The following DCLK1 variants were observed in gnomAD, a reference collection of about 807,000 sequenced individuals.
The protein encoded by DCLK1 is doublecortin like kinase 1, also known as serine/threonine-protein kinase DCLK1.
A neutral mutation model predicts 86.2 loss-of-function variants in DCLK1; 16 were observed. The observed-to-expected ratio is 0.19, with a 90% CI of 0.13 to 0.28. DCLK1 has a LOEUF of 0.28. Ranked by LOEUF, DCLK1 falls within the 10% of genes least tolerant of loss-of-function variation. DCLK1 has a pLI of 1.00. For missense variants in DCLK1, 590 were observed against 940.2 expected (o/e 0.63, Z 4.87); for synonymous variants, 369 against 370.5 (o/e 1.00, Z 0.05).
chr13:36,046,047 A>C (rs1306740752), intron 3 of DCLK1, among the ~76,000 whole-genome samples: 1 of 152,072 alleles, frequency 6.6e-6, no homozygotes, highest in Non-Finnish European at 1.5e-5. Context: ...TTTACAATTA[A>C]ATGATAAGAT....
intron 16 of DCLK1, among the ~76,000 whole-genome samples, chr13:35,779,714 T>C (rs1420232379): frequency 1.3e-5 from 2 of 152,236 alleles, no homozygotes; most frequent in East Asian, 1.9e-4. Context: ...AATTCTCTTA[T>C]GAATTCACTC....
At position 35,811,759 on chromosome 13, in the gene DCLK1, G is replaced by A. The variant is rs1376678023; in HGVS notation, c.1555-791C>T. 5.9e-5 allele frequency among the ~76,000 whole-genome samples: 9 copies of A among 151,982 alleles called. No individual in the cohort carries two copies. In the South Asian group the frequency reaches 8.3e-4, roughly 14 times the overall value. On this transcript the variant is annotated intron_variant, in intron 11 of 16. Transcript: ENST00000360631. ...TGAGGCAAGAGAATCACTTGAACCC[G>A]GGAGGTGGAGGTTGCAGTGAGCTGA...
At chr13:35,906,342 C>T (rs1489092368) in intron 4 of DCLK1, among the ~76,000 whole-genome samples, 5 of 145,858 alleles carry the variant, frequency 3.4e-5, no homozygotes, top group Non-Finnish European at 7.5e-5. Context: ...TAAAGGAAAA[C>T]AGAACTATAG....
intron 3 of DCLK1, among the ~76,000 whole-genome samples, chr13:36,052,579 T>G (rs1465180444): frequency 6.6e-6 from 1 of 152,092 alleles, no homozygotes; most frequent in East Asian, 1.9e-4. Flanking sequence ...AGACACGAAT[T>G]TTGCTCATAA....
intron 3 of DCLK1, among the ~76,000 whole-genome samples, chr13:36,037,477 T>TTTTTG (rs934477821): frequency 1.4e-4 from 22 of 151,748 alleles, no homozygotes; most frequent in South Asian, 8.4e-4. Context: ...TTTCTCGTGG[T>TTTTTG]TTTTGTTTTG....
chr13:35,849,270 TAAATC>T (rs1870433565), intron 6 of DCLK1: 1 of 985,308 alleles, frequency 1.0e-6, no homozygotes, highest in Non-Finnish European at 1.2e-6. Context: ...ATCAGGGAGA[TAAATC>T]AATAACATTT....
intron 4 of DCLK1, among the ~76,000 whole-genome samples, chr13:35,899,431 T>C (rs1048037762): frequency 2.6e-5 from 4 of 151,588 alleles, no homozygotes; most frequent in East Asian, 1.9e-4. Flanking sequence ...CATTGTACTA[T>C]ACAAGGGAGG....
chr13:36,005,685 G>T (rs1489120552), intron 3 of DCLK1, among the ~76,000 whole-genome samples: 1 of 152,218 alleles, frequency 6.6e-6, no homozygotes, highest in Non-Finnish European at 1.5e-5. Flanking sequence ...CAGCATGGCG[G>T]CAAGCTTGTG....
At chr13:35,834,742 C>A (rs1869229961) in intron 8 of DCLK1, among the ~76,000 whole-genome samples, 2 of 152,226 alleles carry the variant, frequency 1.3e-5, no homozygotes, top group East Asian at 3.9e-4. Flanking sequence ...GGTGGCCTGG[C>A]AGCATCAACT....
At chr13:35,935,765 G>A (rs1207964749) in intron 4 of DCLK1, among the ~76,000 whole-genome samples, 1 of 152,184 alleles carries the variant, frequency 6.6e-6, no homozygotes, top group Non-Finnish European at 1.5e-5. Flanking sequence ...GTCAAACAAA[G>A]ACAAACTTGG....
intron 2 of DCLK1, among the ~76,000 whole-genome samples, chr13:36,113,111 C>A (rs950879485): frequency 1.3e-5 from 2 of 152,052 alleles, no homozygotes; most frequent in African/African-American, 4.8e-5. Flanking sequence ...GTTTTTGTAA[C>A]TAGGAATAGG....
At position 35,771,816 on chromosome 13, in the gene DCLK1, A is replaced by T. The variant is rs988745372; in HGVS notation, c.*2719T>A. On this transcript the variant is annotated 3_prime_UTR_variant, in exon 17 of 17. Coordinates refer to ENST00000360631, the MANE Select transcript of DCLK1 (RefSeq NM_001330071.2). The stretch of plus-strand genomic sequence containing the variant: ...TAGATACACTGCCATAATGATACAT[A>T]TTTGTTCTATGATAAGTGAAATCAA... 1 of 152,228 alleles carries T rather than the reference A, an allele frequency of 6.6e-6. No homozygotes were observed. The highest frequency in any genetic ancestry group is 6.5e-5 in the Admixed American group (1 of 15,282). The allele number at this position is 152,228 out of a possible 1,614,324, so 9.4% of individuals were successfully genotyped here. A position where few individuals can be genotyped will look rare whatever the true frequency, so the allele number is the denominator to read the frequency against.
intron 3 of DCLK1, among the ~76,000 whole-genome samples, chr13:36,097,718 G>A (rs1406068253): frequency 6.6e-6 from 1 of 152,048 alleles, no homozygotes; most frequent in Admixed American, 6.6e-5. Flanking sequence ...CCTTTTAACA[G>A]GGTAGTATAT....
At chr13:35,962,390 C>T (rs1056464006) in intron 3 of DCLK1, among the ~76,000 whole-genome samples, 3 of 152,112 alleles carry the variant, frequency 2.0e-5, no homozygotes, top group Admixed American at 6.5e-5. Flanking sequence ...AAGATGCTTC[C>T]GTAAGCCACG....
chr13:35,862,451 T>C (rs1186841134), intron 5 of DCLK1, among the ~76,000 whole-genome samples: 1 of 152,214 alleles, frequency 6.6e-6, no homozygotes, highest in African/African-American at 2.4e-5. Context: ...ATGACTACAA[T>C]GGCCTCATAG....
chr13:35,912,774 G>T (rs1014885986), intron 4 of DCLK1, among the ~76,000 whole-genome samples: 1 of 152,140 alleles, frequency 6.6e-6, no homozygotes, highest in African/African-American at 2.4e-5. Context: ...GCCCTCACTG[G>T]CAGAGGGCAG....
intron 3 of DCLK1, among the ~76,000 whole-genome samples, chr13:36,032,419 T>C (rs1189821917): frequency 1.3e-5 from 2 of 152,166 alleles, no homozygotes; most frequent in Non-Finnish European, 1.5e-5. Flanking sequence ...GTTGGGATTA[T>C]AGGCGTGAGC....
chr13:36,066,500 CT>C (rs2153160346), intron 3 of DCLK1, among the ~76,000 whole-genome samples: 1 of 152,240 alleles, frequency 6.6e-6, no homozygotes, highest in Admixed American at 6.5e-5. Context: ...CTTAGAGGTG[CT>C]GTAATGAACT....
intron 4 of DCLK1, among the ~76,000 whole-genome samples, chr13:35,914,016 G>T (rs955714668): frequency 6.6e-6 from 1 of 151,952 alleles, no homozygotes; most frequent in Admixed American, 6.6e-5. Flanking sequence ...GAATTTTTAG[G>T]AAATAAAAAG....
Sources: gnomAD v4.1 joint callset for allele counts (sites outside exome capture counted in the v4.1 genomes callset) on GRCh38, gnomAD v4.1.1 for gene constraint, MANE v1.5 for transcripts, NCBI Gene and HGNC (gene_info 2026-07-23, HGNC 2026-07-21) for gene names.